SPAG11B: variants seen among roughly 807,000 people sequenced by gnomAD.
SPAG11B encodes the protein sperm-associated antigen 11B.
A neutral mutation model predicts 8.9 loss-of-function variants in SPAG11B; 5 were observed. The ratio of observed to expected loss-of-function variants is 0.56; its 90% confidence interval spans 0.29 to 1.19. SPAG11B has a LOEUF of 1.19. Ranked by LOEUF, SPAG11B falls within the 50% of genes most tolerant of loss-of-function variation. The pLI is 0.08. For synonymous variants in SPAG11B, 12 were observed against 53.0 expected, an observed-to-expected ratio of 0.23 and a Z score of 3.36; for missense variants, 38 against 146.4, an observed-to-expected ratio of 0.26 and a Z score of 3.82.
intron 2 of SPAG11B, among the ~76,000 whole-genome samples, chr8:7,453,455 A>G (rs1810307392): frequency 6.8e-6 from 1 of 148,050 alleles, no homozygotes; most frequent in African/African-American, 2.6e-5. Flanking sequence ...TCCCATGTGT[A>G]TGGAAGCAGA....
intron 2 of SPAG11B, among the ~76,000 whole-genome samples, chr8:7,458,640 A>G (rs1372347917): frequency 1.6e-5 from 2 of 123,606 alleles, no homozygotes; most frequent in Admixed American, 1.7e-4. Flanking sequence ...AATAATTAAA[A>G]ATCTAATAAC....
In SPAG11B at chr8:7,451,809, C is replaced by T. The variant is rs530862253; in HGVS notation, c.215-909G>A. On this transcript the variant is annotated intron_variant, in intron 2 of 2. Transcript: ENST00000398462. ...AGCTTGCCCATCTGTAAAATGTGTTCTATGTGCAAGCAGGGGGAATATTAT... is the reference window on the plus strand; with the variant it reads ...AGCTTGCCCATCTGTAAAATGTGTTTTATGTGCAAGCAGGGGGAATATTAT... Among the ~76,000 whole-genome samples, 635 of 151,538 alleles carry T rather than the reference C, an allele frequency of 4.2e-3. 2 individuals are homozygous for T. Among genetic ancestry groups the T allele is most frequent in the African/African-American group, 0.014 (590 of 40,800 alleles).
At chr8:7,455,562 A>ATT (rs1462737444) in intron 2 of SPAG11B, among the ~76,000 whole-genome samples, 1 of 141,542 alleles carries the variant, frequency 7.1e-6, no homozygotes, top group Non-Finnish European at 1.5e-5. Flanking sequence ...TCAGAAAGTT[A>ATT]AACAATATGA....
intron 2 of SPAG11B, among the ~76,000 whole-genome samples, 165 bp downstream of exon 2, chr8:7,462,542 C>T (rs1418729370): frequency 6.7e-6 from 1 of 150,324 alleles, no homozygotes; most frequent in Non-Finnish European, 1.5e-5. Context: ...TGTGAGACCC[C>T]GTGGTCTCCC....
At chr8:7,458,655 C>A in intron 2 of SPAG11B, among the ~76,000 whole-genome samples, 3 of 113,944 alleles carry the variant, frequency 2.6e-5, no homozygotes, top group Non-Finnish European at 5.2e-5. Flanking sequence ...AATAACTGAA[C>A]TTCAAAATCC....
rs1205061987 is a variant in SPAG11B, at chr8:7,450,796, C to T, written c.319G>A (p.Asp107Asn). 3.7e-6 allele frequency: 6 copies of T among 1,609,866 alleles called. No homozygotes were observed. In the African/African-American group the frequency reaches 8.2e-5, roughly 22 times the overall value. ...SGEKKRDICS[D>N]PWNRCCVSNT... ...GATACGCAACACCTATTCCAGGGAT[C>T]AGAGCAAATGTCACGCTTTTTCTCA... Residue 107 changes from aspartate to asparagine, a missense_variant, in exon 3 of 3, where the codon GAT becomes AAT. Asp to Asn is a conservative substitution (Grantham distance 23, BLOSUM62 1). Coordinates refer to ENST00000398462, the MANE Select transcript of SPAG11B (RefSeq NM_058201.4).
At chr8:7,459,582 T>A (rs1298435723) in intron 2 of SPAG11B, among the ~76,000 whole-genome samples, 1 of 148,246 alleles carries the variant, frequency 6.7e-6, no homozygotes, top group Non-Finnish European at 1.5e-5. Context: ...AATTAATTGG[T>A]AAGGAAGTCC....
At chr8:7,453,403 A>AT (rs1810303571) in intron 2 of SPAG11B, among the ~76,000 whole-genome samples, 1 of 149,174 alleles carries the variant, frequency 6.7e-6, no homozygotes, top group Non-Finnish European at 1.5e-5. Context: ...CCTGGGCTTC[A>AT]TAACAATTGC....
chr8:7,451,701 G>A lies in SPAG11B; in HGVS notation c.215-801C>T, dbSNP rs544973724. Among the ~76,000 whole-genome samples, 169 of 112,720 alleles carry A rather than the reference G, an allele frequency of 1.5e-3. 1 individual carries two copies. The highest frequency in any genetic ancestry group is 4.8e-3 in the African/African-American group (160 of 33,130). The allele number at this position is 112,720 out of a possible 152,430, so 73.9% of individuals were successfully genotyped here. A position where few individuals can be genotyped will look rare whatever the true frequency, so the allele number is the denominator to read the frequency against. On this transcript the variant is annotated intron_variant, in intron 2 of 2. Coordinates refer to ENST00000398462, the MANE Select transcript of SPAG11B (RefSeq NM_058201.4). Reference sequence around the variant, plus strand: ...AGACAGAAGAGCCCCCAGCCTGGAAGCGTGGAGACCTGGATTCTGGTCTTA... The same window carrying A: ...AGACAGAAGAGCCCCCAGCCTGGAAACGTGGAGACCTGGATTCTGGTCTTA...
chr8:7,454,077 T>A (rs1810356276), intron 2 of SPAG11B, among the ~76,000 whole-genome samples: 1 of 96,386 alleles, frequency 1.0e-5, no homozygotes, highest in Non-Finnish European at 1.9e-5. Flanking sequence ...ATCTCTGAAA[T>A]CTCTCAAAAA....
downstream of SPAG11B, among the ~76,000 whole-genome samples, chr8:7,448,892 C>T (rs1317751269): frequency 4.2e-5 from 6 of 144,428 alleles, no homozygotes; most frequent in Non-Finnish European, 3.0e-5. Context: ...AGTTTTTTAC[C>T]ATGCCTTACA....
At chr8:7,447,867 G>T, downstream of SPAG11B, 3 of 720,966 alleles carry the variant, frequency 4.2e-6, 1 homozygote, top group Non-Finnish European at 6.2e-6. Context: ...GGCAGTCCAG[G>T]CTTAGTCAGA....
At chr8:7,459,628 G>C (rs1307248282) in intron 2 of SPAG11B, among the ~76,000 whole-genome samples, 1 of 145,418 alleles carries the variant, frequency 6.9e-6, no homozygotes, top group East Asian at 2.3e-4. Context: ...TGAAGGGTTT[G>C]GACCACACAT....
chr8:7,453,498 T>C (rs1277132340), intron 2 of SPAG11B, among the ~76,000 whole-genome samples: 1 of 146,950 alleles, frequency 6.8e-6, no homozygotes, highest in Admixed American at 6.8e-5. Context: ...ATGTAAGCAA[T>C]AGCAGACTCT....
rs185630675 is a variant in SPAG11B at position 7,459,055 on chromosome 8, G to A, written c.214+3652C>T. On this transcript the variant is annotated intron_variant, in intron 2 of 2. Transcript: ENST00000398462. ...CTCTACTAAAAATACAAAATTAGCC[G>A]GGCATGGTGGTAGACACCTGTAATC... 1.9e-3 allele frequency among the ~76,000 whole-genome samples: 173 copies of A among 91,744 alleles called. 46 individuals carry two copies. Among genetic ancestry groups the A allele is most frequent in the African/African-American group, 3.8e-3 (52 of 13,752 alleles). 60.2% of individuals were successfully genotyped at this position (91,744 alleles called of 152,430 possible).
At chr8:7,450,253 C>G (rs555456203), downstream of SPAG11B, among the ~76,000 whole-genome samples, 68 of 143,674 alleles carry the variant, frequency 4.7e-4, no homozygotes, top group South Asian at 0.014. Flanking sequence ...GAAAACAACA[C>G]TATCCTACTG....
At chr8:7,451,223 T>C in intron 2 of SPAG11B, 1 of 1,512,868 alleles carries the variant, frequency 6.6e-7, no homozygotes, top group Non-Finnish European at 9.0e-7. Flanking sequence ...AAGGGAGTTT[T>C]GGAAAACAGA....
At chr8:7,453,817 G>A (rs1423538243) in intron 2 of SPAG11B, among the ~76,000 whole-genome samples, 2 of 148,818 alleles carry the variant, frequency 1.3e-5, no homozygotes, top group African/African-American at 5.1e-5. Flanking sequence ...GGGACTCTCT[G>A]ACTCACAGAC....
intron 2 of SPAG11B, among the ~76,000 whole-genome samples, chr8:7,451,572 C>A (rs1391736131): frequency 1.6e-5 from 2 of 123,398 alleles, no homozygotes; most frequent in East Asian, 2.5e-4. Flanking sequence ...GCACAACATC[C>A]AACCTCCAAA....
Sources: gnomAD v4.1 joint callset for allele counts (sites outside exome capture counted in the v4.1 genomes callset) on GRCh38, gnomAD v4.1.1 for gene constraint, MANE v1.5 for transcripts, NCBI Gene and HGNC (gene_info 2026-07-23, HGNC 2026-07-21) for gene names.